RELN: variants seen among roughly 807,000 people sequenced by gnomAD.
RELN encodes reelin.
In RELN, 108 loss-of-function variants were observed where a neutral mutation model predicts 427.6. The ratio of observed to expected loss-of-function variants is 0.25; its 90% confidence interval spans 0.22 to 0.30. RELN has a LOEUF of 0.30. Among genes scored for constraint, RELN ranks in the 10% least tolerant of loss-of-function variants. The probability of loss-of-function intolerance (pLI) is 1.00; values close to 1 mark genes in which losing one functional copy is unlikely to be tolerated. For missense variants in RELN, 3,715 were observed against 4,302.8 expected (o/e 0.86, Z 3.82); for synonymous variants, 1,524 against 1,513.4 (o/e 1.01, Z -0.16).
intron 1 of RELN, among the ~76,000 whole-genome samples, chr7:103,987,803 C>T (rs1320078362): frequency 6.6e-6 from 1 of 152,162 alleles, no homozygotes; most frequent in Admixed American, 6.5e-5. Context: ...CATTAATTTT[C>T]CAAAATTATT....
At chr7:103,700,836 G>A (rs1000477905) in intron 9 of RELN, 74 bp downstream of exon 9, 1 of 902,512 alleles carries the variant, frequency 1.1e-6, no homozygotes, top group Non-Finnish European at 1.9e-6. Context: ...AGTTAGTGGT[G>A]GATTGAAGGC....
intron 2 of RELN, among the ~76,000 whole-genome samples, chr7:103,906,349 G>C (rs1795203819): frequency 6.6e-6 from 1 of 152,096 alleles, no homozygotes; most frequent in South Asian, 2.1e-4. Flanking sequence ...AAAATAAGGA[G>C]AATTATAGTA....
intron 8 of RELN, among the ~76,000 whole-genome samples, chr7:103,714,330 T>G (rs967151223): frequency 3.3e-5 from 5 of 152,232 alleles, no homozygotes; most frequent in African/African-American, 1.2e-4. Flanking sequence ...ATTACCTTAC[T>G]GTACATCATA....
In RELN at chr7:103,519,357, T is replaced by C. The variant is rs200076453; in HGVS notation, c.7828A>G (p.Met2610Val). ...CTGTACTGGTCATAGAAAATCTCCA[T>C]GAGCAGGTTCCAGGTAATGCCTCCA... is the stretch of plus-strand genomic sequence containing the variant. Reference protein sequence around the residue: ...VNGGITWNLLMEIFYDQYSKP... With the variant: ...VNGGITWNLLVEIFYDQYSKP... The change falls in exon 49 of 65, where the codon ATG becomes GTG. Residue 2610 changes from methionine (M) to valine (V), a missense_variant. This residue lies in a region of RELN where 1,310 missense variants were observed against 1,643.0 expected (regional missense o/e 0.80). Transcript: ENST00000428762. The C allele has an allele frequency of 1.7e-5, 27 of 1,614,126 alleles. No homozygotes were observed. The South Asian group carries it at 2.3e-4, about 14-fold the overall frequency.
Position 103,557,077 on chromosome 7 carries a change from G to T in RELN, c.5697C>A (p.Tyr1899Ter). The T allele has an allele frequency of 6.2e-7, 1 of 1,613,488 alleles. No individual in the cohort carries two copies. Among genetic ancestry groups the T allele is most frequent in the Non-Finnish European group, 8.5e-7 (1 of 1,179,362 alleles). Residue 1899 changes from tyrosine to a stop codon, truncating the protein, a stop_gained, in exon 38 of 65, where the codon TAC (tyrosine) becomes TAA (stop). Coordinates refer to ENST00000428762, the MANE Select transcript of RELN (RefSeq NM_005045.4). LOFTEE classifies it high-confidence loss of function. ...AAAGTATATTCGTTGTTTGAGGAAA[G>T]TAAAATTCATCCATCAGGTGCCAAG... ...GITWHLMDEF[Y>*]FPQTTNILFI...
intron 2 of RELN, among the ~76,000 whole-genome samples, chr7:103,846,813 A>T (rs12534629): frequency 0.14 from 21,406 of 152,092 alleles, 1,707 homozygotes; most frequent in East Asian, 0.29. Context: ...AACAAATATA[A>T]ATAAAAAAGC....
At chr7:103,860,065 A>C (rs1308616929) in intron 2 of RELN, among the ~76,000 whole-genome samples, 1 of 152,202 alleles carries the variant, frequency 6.6e-6, no homozygotes, top group Non-Finnish European at 1.5e-5. Flanking sequence ...TAAACATGCG[A>C]GCTTAGCCAC....
chr7:103,908,907 GTCT>G (rs956615849), intron 2 of RELN, among the ~76,000 whole-genome samples: 3 of 152,240 alleles, frequency 2.0e-5, no homozygotes, highest in African/African-American at 7.2e-5. Context: ...TTAATCTGGA[GTCT>G]TCTTGTTAAT....
chr7:103,711,664 C>T (rs1789805015), intron 8 of RELN, among the ~76,000 whole-genome samples: 1 of 152,034 alleles, frequency 6.6e-6, no homozygotes, highest in Non-Finnish European at 1.5e-5. Context: ...CACAAAAAAG[C>T]TATTTTTTTA....
intron 2 of RELN, among the ~76,000 whole-genome samples, chr7:103,834,813 G>C (rs1439760374): frequency 6.6e-6 from 1 of 152,176 alleles, no homozygotes; most frequent in Non-Finnish European, 1.5e-5. Context: ...TGCTGCTGAG[G>C]ATGCAGAGCA....
chr7:103,961,653 G>A (rs367946252), intron 1 of RELN, among the ~76,000 whole-genome samples: 1 of 152,236 alleles, frequency 6.6e-6, no homozygotes, highest in East Asian at 1.9e-4. Context: ...GTGAGTCTAG[G>A]CTTTAGAAAC....
intron 6 of RELN, among the ~76,000 whole-genome samples, chr7:103,736,519 T>C (rs1378168878): frequency 6.6e-6 from 1 of 152,210 alleles, no homozygotes; most frequent in Non-Finnish European, 1.5e-5. Flanking sequence ...TTCTCATTAC[T>C]TTTCACTGAG....
At chr7:103,474,481 C>T (rs1471712878) in intron 64 of RELN, among the ~76,000 whole-genome samples, 3 of 152,110 alleles carry the variant, frequency 2.0e-5, no homozygotes, top group Non-Finnish European at 4.4e-5. Context: ...CCCCTCCCAT[C>T]CCCTCCATGT....
At chr7:103,809,429 C>G (rs1457279965) in intron 3 of RELN, among the ~76,000 whole-genome samples, 1 of 151,912 alleles carries the variant, frequency 6.6e-6, no homozygotes, top group East Asian at 1.9e-4. Flanking sequence ...AGTGTACCAC[C>G]TGTGCTACAG....
chr7:103,510,159 A>AAATC (rs1170663142), intron 51 of RELN, among the ~76,000 whole-genome samples: 1 of 152,274 alleles, frequency 6.6e-6, no homozygotes, highest in Non-Finnish European at 1.5e-5. Flanking sequence ...AAAGGATTAT[A>AAATC]AATCATTCTA....
intron 1 of RELN, among the ~76,000 whole-genome samples, chr7:103,942,638 G>C (rs1419855469): frequency 6.6e-6 from 1 of 152,184 alleles, no homozygotes; most frequent in Non-Finnish European, 1.5e-5. Flanking sequence ...TCTTGGCTGG[G>C]TGTGGTGGCT....
intron 1 of RELN, among the ~76,000 whole-genome samples, chr7:103,959,968 C>T (rs543371310): frequency 9.9e-4 from 151 of 152,276 alleles, no homozygotes; most frequent in African/African-American, 3.3e-3. Flanking sequence ...TCTAACTCAT[C>T]AACAGTTGCC....
At chr7:103,609,041 G>T (rs1188478112) in intron 22 of RELN, among the ~76,000 whole-genome samples, 1 of 151,956 alleles carries the variant, frequency 6.6e-6, no homozygotes, top group Non-Finnish European at 1.5e-5. Context: ...TGGCCAACAT[G>T]ACAAAACCCC....
At chr7:103,479,364 G>T (rs1388781663) in intron 63 of RELN, among the ~76,000 whole-genome samples, 5 of 152,160 alleles carry the variant, frequency 3.3e-5, no homozygotes, top group Non-Finnish European at 5.9e-5. Flanking sequence ...GAGAAATTAG[G>T]TTTCTGACAC....
Sources: allele counts gnomAD v4.1 joint callset (sites outside exome capture counted in the v4.1 genomes callset), GRCh38; gene constraint gnomAD v4.1.1; regional missense constraint gnomAD v4.1.1; transcripts MANE v1.5; gene names NCBI Gene and HGNC (gene_info 2026-07-23, HGNC 2026-07-21).